The following RACGAP1 variants were observed in gnomAD, a reference collection of about 807,000 sequenced individuals.
The protein encoded by RACGAP1 is rac GTPase-activating protein 1.
A neutral mutation model predicts 78.1 loss-of-function variants in RACGAP1; 30 were observed. The observed-to-expected ratio is 0.38, with a 90% CI of 0.29 to 0.52. RACGAP1 has a LOEUF of 0.52. Ranked by LOEUF, RACGAP1 falls within the 20% of genes least tolerant of loss-of-function variation. The pLI is 0.82. For missense variants in RACGAP1, 587 were observed against 777.1 expected (o/e 0.76, Z 2.91); for synonymous variants, 231 against 264.8 (o/e 0.87, Z 1.24).
intron 2 of RACGAP1, among the ~76,000 whole-genome samples, chr12:50,013,414 C>G (rs1949473210): frequency 6.6e-6 from 1 of 152,110 alleles, no homozygotes; most frequent in East Asian, 1.9e-4. Context: ...CAGATTCTTC[C>G]CTCTGCCCCC....
rs2137432051 is a variant in RACGAP1 at position 50,005,250 on chromosome 12, C to T, written c.425+6G>A. The T allele has an allele frequency of 6.2e-7, 1 of 1,613,964 alleles. No homozygotes were observed. The highest frequency in any genetic ancestry group is 1.1e-5 in the South Asian group (1 of 91,070). On this transcript the variant is annotated splice_donor_region_variant and intron_variant, in intron 4 of 16. Transcript: ENST00000312377. ...GATAGGATAACAACAGATGCAGTTC[C>T]TCCACCTTTTGTTCCCAGCATTGCT...
At chr12:49,993,275 T>C (rs1312253006) in intron 12 of RACGAP1, among the ~76,000 whole-genome samples, 1 of 152,120 alleles carries the variant, frequency 6.6e-6, no homozygotes, top group Non-Finnish European at 1.5e-5. Flanking sequence ...ACAACAAATG[T>C]GAAGGCCTTA....
intron 1 of RACGAP1, chr12:50,019,630 G>A (rs1175651255): frequency 6.6e-6 from 1 of 151,792 alleles, no homozygotes; most frequent in Non-Finnish European, 1.5e-5. Context: ...GGAGGCTGAA[G>A]TGGGAGGATC....
intron 9 of RACGAP1, 68 bp from the exon 10 acceptor site, chr12:49,997,272 C>CTCTT: frequency 8.6e-7 from 1 of 1,159,486 alleles, no homozygotes; most frequent in South Asian, 2.6e-5. Flanking sequence ...AATCAACTAA[C>CTCTT]TTTTTTTTTT....
In RACGAP1 at chr12:49,989,268, T is replaced by G. The variant is rs1445280501; in HGVS notation, c.*1000A>C. ...AAACATTCTACAGAAGAAAATCGTT[T>G]TTACAGACATTAAGAATAATTTTAA... On this transcript the variant is annotated 3_prime_UTR_variant, in exon 17 of 17. Coordinates refer to ENST00000312377, the MANE Select transcript of RACGAP1 (RefSeq NM_001319999.2). The G allele has an allele frequency of 6.6e-6, 1 of 152,172 alleles. No individual in the cohort carries two copies. Among genetic ancestry groups the G allele is most frequent in the Non-Finnish European group, 1.5e-5 (1 of 68,028 alleles). 9.4% of individuals were successfully genotyped at this position (152,172 alleles called of 1,614,324 possible).
rs1948304518 is a variant in RACGAP1 at position 49,996,668 on chromosome 12, A to AT, written c.1044+371dup. Among the ~76,000 whole-genome samples, 238 of 129,328 alleles carry AT rather than the reference A, an allele frequency of 1.8e-3. 17 individuals carry two copies. Among genetic ancestry groups the AT allele is most frequent in the African/African-American group, 7.8e-3 (206 of 26,416 alleles). 84.8% of individuals were successfully genotyped at this position (129,328 alleles called of 152,430 possible). Reference sequence around the variant, plus strand: ...AAAAAAAAAAAAAAAAAAAAAAAAAATGGACACAAGTTAGTAATCATGGAA... The same window carrying AT: ...AAAAAAAAAAAAAAAAAAAAAAAAAATTGGACACAAGTTAGTAATCATGGAA... On this transcript the variant is annotated intron_variant, in intron 10 of 16. Transcript: ENST00000312377.
At position 50,018,484 on chromosome 12, in the gene RACGAP1, G is replaced by A. The variant is rs1179355652; in HGVS notation, c.-4-1765C>T. 5 of 1,214,484 alleles carry A rather than the reference G, an allele frequency of 4.1e-6. No homozygotes were observed. The African/African-American group carries it at 6.2e-5, about 15-fold the overall frequency. The allele number at this position is 1,214,484 out of a possible 1,614,324, so 75.2% of individuals were successfully genotyped here. ...GCTGTGGAATTCATGGAGATGCCAT[G>A]GATTTAACATATAATGAAATAGGCA... On this transcript the variant is annotated intron_variant, in intron 1 of 16. Coordinates refer to ENST00000312377, the MANE Select transcript of RACGAP1 (RefSeq NM_001319999.2).
chr12:50,031,442 G>A (rs907809568), intron 2 of RACGAP1, among the ~76,000 whole-genome samples: 1 of 115,054 alleles, frequency 8.7e-6, no homozygotes. Flanking sequence ...TTGCACCACT[G>A]AACTCCAGCC....
At chr12:50,015,741 GCA>G (rs1949629153) in intron 2 of RACGAP1, among the ~76,000 whole-genome samples, 1 of 151,744 alleles carries the variant, frequency 6.6e-6, no homozygotes, top group Non-Finnish European at 1.5e-5. Context: ...GGCGGAGCTT[GCA>G]GTGAGCCGAG....
intron 1 of RACGAP1, among the ~76,000 whole-genome samples, chr12:50,019,006 G>A (rs1039731832): frequency 6.6e-6 from 1 of 151,814 alleles, no homozygotes; most frequent in Non-Finnish European, 1.5e-5. Flanking sequence ...CATCAACTAC[G>A]CTACTCACTG....
At chr12:50,018,582 T>C (rs1256069019) in intron 1 of RACGAP1, 2 of 1,288,430 alleles carry the variant, frequency 1.6e-6, no homozygotes, top group South Asian at 1.2e-5. Context: ...TGATTTCCTT[T>C]GGCTCTCCTG....
intron 2 of RACGAP1, among the ~76,000 whole-genome samples, chr12:50,012,806 G>C (rs568932364): frequency 1.3e-5 from 2 of 151,698 alleles, no homozygotes; most frequent in South Asian, 2.1e-4. Flanking sequence ...GCTCACCCCT[G>C]TAATCCCAGC....
rs1395625988 is a variant in RACGAP1, at chr12:49,989,533, A to G, written c.*735T>C. On this transcript the variant is annotated 3_prime_UTR_variant, in exon 17 of 17. Transcript: ENST00000312377. Reference sequence around the variant, plus strand: ...GGGGCCAAGCATCAGAATGAATTCAATTTTAAAAGAAAAACTGGCTTTGAC... The same window carrying G: ...GGGGCCAAGCATCAGAATGAATTCAGTTTTAAAAGAAAAACTGGCTTTGAC... 1.3e-5 allele frequency: 2 copies of G among 152,234 alleles called. No homozygotes were observed. Among genetic ancestry groups the G allele is most frequent in the East Asian group, 1.9e-4 (1 of 5,196 alleles). 9.4% of individuals were successfully genotyped at this position (152,234 alleles called of 1,614,324 possible).
chr12:50,002,205 T>C, intron 6 of RACGAP1, 42 bp downstream of exon 6: 1 of 1,586,652 alleles, frequency 6.3e-7, no homozygotes, highest in Non-Finnish European at 8.6e-7. Context: ...ATAACTCCAT[T>C]ATTACTTTGT....
At chr12:50,001,627 T>C (rs1166758138) in intron 6 of RACGAP1, among the ~76,000 whole-genome samples, 1 of 152,216 alleles carries the variant, frequency 6.6e-6, no homozygotes, top group Non-Finnish European at 1.5e-5. Flanking sequence ...ATGAAGCTTA[T>C]ATTAGAGCAC....
Position 50,025,480 on chromosome 12 carries a change from C to G in RACGAP1, c.-87G>C. On this transcript the variant is annotated 5_prime_UTR_variant, in exon 1 of 17. Transcript: ENST00000312377. ...CGGCAGAGCAGCGCCGCGCCCACAG[C>G]TCCGGTTTGAAAACCTTCACCAACC... 1 of 985,668 alleles carries G rather than the reference C, an allele frequency of 1.0e-6. No individual in the cohort carries two copies. Among genetic ancestry groups the G allele is most frequent in the Non-Finnish European group, 1.2e-6 (1 of 830,106 alleles). The allele number at this position is 985,668 out of a possible 1,614,324, so 61.1% of individuals were successfully genotyped here.
upstream of RACGAP1, among the ~76,000 whole-genome samples, chr12:50,027,162 A>C (rs1019413379): frequency 6.6e-6 from 1 of 152,248 alleles, no homozygotes; most frequent in African/African-American, 2.4e-5. Flanking sequence ...ACTGCAATAC[A>C]GATTATTATT....
At chr12:50,001,128 C>T in intron 7 of RACGAP1, 44 bp downstream of exon 7, 2 of 1,437,216 alleles carry the variant, frequency 1.4e-6, no homozygotes, top group Non-Finnish European at 9.7e-7. Context: ...AGTTTTAATG[C>T]TTGGGGCCAG....
chr12:50,008,427 A>C (rs1364516104), intron 2 of RACGAP1, among the ~76,000 whole-genome samples: 1 of 149,164 alleles, frequency 6.7e-6, no homozygotes, highest in Non-Finnish European at 1.5e-5. Context: ...TCAAACTCCT[A>C]ACCTCAGGTG....
Sources: gnomAD v4.1 joint callset for allele counts (sites outside exome capture counted in the v4.1 genomes callset) on GRCh38, gnomAD v4.1.1 for gene constraint, MANE v1.5 for transcripts, NCBI Gene and HGNC (gene_info 2026-07-23, HGNC 2026-07-21) for gene names.